The following EOGT variants were observed in gnomAD, a reference collection of about 807,000 sequenced individuals.
EOGT encodes EGF domain specific O-linked N-acetylglucosamine transferase.
Under a neutral mutation model 70.5 loss-of-function variants are expected in EOGT, and 55 were observed. The observed-to-expected ratio is 0.78, with a 90% confidence interval of 0.63 to 0.98. EOGT has a LOEUF of 0.98. Among genes scored for constraint, EOGT ranks in the 50% least tolerant of loss-of-function variants. The pLI is 0.00. For synonymous variants in EOGT, 246 were observed against 217.1 expected (o/e 1.13, Z -1.17); for missense variants, 703 against 641.9 (o/e 1.10, Z -1.03).
chr3:68,999,016 G>A (rs1289716624), intron 9 of EOGT, among the ~76,000 whole-genome samples: 1 of 152,074 alleles, frequency 6.6e-6, no homozygotes, highest in Non-Finnish European at 1.5e-5. Flanking sequence ...TATAAAAGAA[G>A]TGAATGTCTT....
chr3:68,986,991 G>C lies in EOGT; in HGVS notation c.1152+454C>G, dbSNP rs922506137. 5.3e-5 allele frequency among the ~76,000 whole-genome samples: 8 copies of C among 152,222 alleles called. No homozygotes were observed. In the South Asian group the frequency reaches 6.2e-4, roughly 12 times the overall value. ...GGTTAAATGTAATTTATGAGTTGGT[G>C]CTACTGAAATGAGTAAGGATGCTGA... is the stretch of plus-strand genomic sequence containing the variant. On this transcript the variant is annotated intron_variant, in intron 14 of 17. Transcript: ENST00000383701.
chr3:69,004,443 C>T lies in EOGT; in HGVS notation c.555G>A (p.Gly185=), dbSNP rs1162778011. The change falls in exon 8 of 18, where the codon GGG becomes GGA. Residue 185 remains glycine (G), a synonymous_variant. Transcript: ENST00000383701. ...ATGTACGGATGTCAAGTTTACAGTG[C>T]CCTCCAATTTCACCACTCTGGAAAA... ...EDFFQSGEIG[G]HCKLDIRTLT... is the part of the protein sequence containing the mutation. 1 of 1,613,948 alleles carries T rather than the reference C, an allele frequency of 6.2e-7. No individual in the cohort carries two copies. Among genetic ancestry groups the T allele is most frequent in the South Asian group, 1.1e-5 (1 of 91,072 alleles).
chr3:69,009,933 C>CAAAAAAAAAAAA, intron 3 of EOGT, 73 bp from the exon 4 acceptor site: 24 of 255,140 alleles, frequency 9.4e-5, no homozygotes, highest in East Asian at 3.2e-4. Flanking sequence ...ACAACAACAA[C>CAAAAAAAAAAAA]AAAAAAAAAA....
intron 10 of EOGT, among the ~76,000 whole-genome samples, chr3:68,997,688 G>A (rs1188263424): frequency 3.3e-5 from 5 of 152,230 alleles, no homozygotes; most frequent in African/African-American, 9.6e-5. Context: ...TCTTTCATAT[G>A]TGTGTCCCAG....
chr3:69,007,506 G>GC lies in EOGT; in HGVS notation c.420+206dup, dbSNP rs1216630244. Among the ~76,000 whole-genome samples, 6 of 92,868 alleles carry GC rather than the reference G, an allele frequency of 6.5e-5. 1 individual carries two copies. The highest frequency in any genetic ancestry group is 2.2e-4 in the African/African-American group (6 of 27,392). The allele number at this position is 92,868 out of a possible 152,430, so 60.9% of individuals were successfully genotyped here. A position where few individuals can be genotyped will look rare whatever the true frequency, so the allele number is the denominator to read the frequency against. Reference sequence around the variant, plus strand: ...ACCTTTACTAAAAATATAAAAATTAGCGGGGGGGGGTGGCACGCGCCTGTA... The same window carrying GC: ...ACCTTTACTAAAAATATAAAAATTAGCCGGGGGGGGGTGGCACGCGCCTGTA... On this transcript the variant is annotated intron_variant, in intron 6 of 17. Transcript: ENST00000383701.
At chr3:69,004,796 G>A (rs1335141959) in intron 7 of EOGT, among the ~76,000 whole-genome samples, 1 of 152,066 alleles carries the variant, frequency 6.6e-6, no homozygotes, top group East Asian at 1.9e-4. Flanking sequence ...AGGCTTGGTG[G>A]CTCACACCTA....
rs894576435 is a variant in EOGT at position 69,008,368 on chromosome 3, T to TCAAC, written c.311+56_311+59dup. On this transcript the variant is annotated intron_variant, in intron 5 of 17. Transcript: ENST00000383701. ...AAGAATCTAGCTGGAAATTAGGGCATCAACATACACTGTATAGAAAGAGGA... is the reference window on the plus strand; with the variant it reads ...AAGAATCTAGCTGGAAATTAGGGCATCAACCAACATACACTGTATAGAAAGAGGA... The TCAAC allele has an allele frequency of 2.6e-6, 3 of 1,173,680 alleles. No homozygotes were observed. The African/African-American group carries it at 4.6e-5, about 18-fold the overall frequency. 72.7% of individuals were successfully genotyped at this position (1,173,680 alleles called of 1,614,324 possible).
chr3:68,979,804 T>C lies in EOGT; in HGVS notation c.1215-17A>G. 5 of 1,611,386 alleles carry C rather than the reference T, an allele frequency of 3.1e-6. No homozygotes were observed. The highest frequency in any genetic ancestry group is 4.2e-6 in the Non-Finnish European group (5 of 1,177,976). ...CCAAGTTCTCTGTGAACATACAGAA[T>C]AACATGAGAGAGATGGGGAGAAGAG... On this transcript the variant is annotated splice_polypyrimidine_tract_variant and intron_variant, in intron 15 of 17. Coordinates refer to ENST00000383701, the MANE Select transcript of EOGT (RefSeq NM_001278689.2).
At chr3:68,981,810 A>G (rs1575709682) in intron 15 of EOGT, among the ~76,000 whole-genome samples, 1 of 152,290 alleles carries the variant, frequency 6.6e-6, no homozygotes, top group Non-Finnish European at 1.5e-5. Context: ...AATTAGGTTT[A>G]TAACATCTAA....
intron 10 of EOGT, among the ~76,000 whole-genome samples, chr3:68,997,443 A>C (rs1179560841): frequency 1.3e-5 from 2 of 150,972 alleles, no homozygotes; most frequent in Non-Finnish European, 2.9e-5. Context: ...ATCTCGGCTC[A>C]ATGCAACCTC....
chr3:69,007,647 G>T, intron 6 of EOGT, 66 bp downstream of exon 6: 1 of 1,104,994 alleles, frequency 9.0e-7, no homozygotes, highest in Non-Finnish European at 1.3e-6. Context: ...CAGAAACTCC[G>T]TCTCAAAAAT....
At chr3:68,982,100 G>A (rs1434800705) in intron 15 of EOGT, among the ~76,000 whole-genome samples, 1 of 151,940 alleles carries the variant, frequency 6.6e-6, no homozygotes, top group East Asian at 1.9e-4. Context: ...GTAGAGATGG[G>A]GTTGCACCAT....
Position 68,975,883 on chromosome 3 carries a change from A to G in EOGT, c.*1735T>C, listed in dbSNP as rs2090460299. On this transcript the variant is annotated 3_prime_UTR_variant, in exon 18 of 18. Transcript: ENST00000383701. ...TTTTGTTTTGTGTGTCATTTTTCTG[A>G]TGGATATTTTTTACAACTGTAAAAT... 6.6e-6 allele frequency: 1 copy of G among 152,174 alleles called. No homozygotes were observed. Among genetic ancestry groups the G allele is most frequent in the Non-Finnish European group, 1.5e-5 (1 of 68,030 alleles). 9.4% of individuals were successfully genotyped at this position (152,174 alleles called of 1,614,324 possible).
chr3:69,012,952 C>A (rs547570543), intron 1 of EOGT, among the ~76,000 whole-genome samples, 153 bp from the exon 2 acceptor site: 1 of 152,088 alleles, frequency 6.6e-6, no homozygotes, highest in African/African-American at 2.4e-5. Flanking sequence ...AAGTTCAACA[C>A]GTGAGACCCC....
Position 69,009,688 on chromosome 3 carries a change from G to A in EOGT, c.159C>T (p.Asn53=), listed in dbSNP as rs749610630. Residue 53 remains asparagine, a synonymous_variant, in exon 4 of 18, where the codon AAC becomes AAT. Coordinates refer to ENST00000383701, the MANE Select transcript of EOGT (RefSeq NM_001278689.2). ...PEEHIPFFLH[N]NRHIATVCRK... ...TACAGACAGTGGCAATATGCCTATTGTTGTGCAAAAAGAAGGGAATGTGCT... is the reference window on the plus strand; with the variant it reads ...TACAGACAGTGGCAATATGCCTATTATTGTGCAAAAAGAAGGGAATGTGCT... The A allele has an allele frequency of 6.2e-7, 1 of 1,614,020 alleles. No individual in the cohort carries two copies.
intron 7 of EOGT, 57 bp from the exon 8 acceptor site, chr3:69,004,539 C>G: frequency 1.7e-6 from 2 of 1,207,068 alleles, no homozygotes; most frequent in Non-Finnish European, 2.4e-6. Context: ...GACCCAAGCA[C>G]GTGGGTTGTA....
At position 68,989,029 on chromosome 3, in the gene EOGT, A is replaced by T. The variant is rs1003235548; in HGVS notation, c.832-12T>A. ...TATCCGTAAGAACTCTGAAAGTAGA[A>T]ACAAAACAAGGTTTTAGGGCAATAA... On this transcript the variant is annotated splice_polypyrimidine_tract_variant and intron_variant, in intron 10 of 17. Coordinates refer to ENST00000383701, the MANE Select transcript of EOGT (RefSeq NM_001278689.2). The T allele has an allele frequency of 4.7e-6, 7 of 1,474,116 alleles. No individual in the cohort carries two copies. In the African/African-American group the frequency reaches 9.9e-5, roughly 21 times the overall value. The allele number at this position is 1,474,116 out of a possible 1,614,324, so 91.3% of individuals were successfully genotyped here.
In EOGT at chr3:68,988,533, C is replaced by T. The variant is rs928125038; in HGVS notation, c.969G>A (p.Arg323=). ...EAVFSLLPRM[R]YGLFYNTPLI... is the part of the protein sequence containing the mutation. Reference sequence around the variant, plus strand: ...GAGGAGTATTATAGAACAGCCCATACCTCATGCGGGGGAGTAATGAAAAAA... The same window carrying T: ...GAGGAGTATTATAGAACAGCCCATATCTCATGCGGGGGAGTAATGAAAAAA... Residue 323 remains arginine (R), a synonymous_variant, in exon 12 of 18, where the codon AGG becomes AGA. Coordinates refer to ENST00000383701, the MANE Select transcript of EOGT (RefSeq NM_001278689.2). 1 of 1,533,666 alleles carries T rather than the reference C, an allele frequency of 6.5e-7. No individual in the cohort carries two copies. Among genetic ancestry groups the T allele is most frequent in the Non-Finnish European group, 8.7e-7 (1 of 1,145,546 alleles).
chr3:69,009,726 G>A lies in EOGT; in HGVS notation c.121C>T (p.Arg41Cys), dbSNP rs146049288. ...AAGGGAATGTGCTCCTCTGGCAAGC[G>A]GATGCTGGCATAGTTATACAGAGGT... The part of the protein sequence containing the change: ...GEPLYNYASI[R>C]LPEEHIPFFL... Residue 41 changes from arginine (R) to cysteine (C), a missense_variant, in exon 4 of 18, where the codon CGC (arginine) becomes TGC (cysteine). Coordinates refer to ENST00000383701, the MANE Select transcript of EOGT (RefSeq NM_001278689.2). 11 of 1,613,996 alleles carry A rather than the reference G, an allele frequency of 6.8e-6. No homozygotes were observed. The highest frequency in any genetic ancestry group is 4.0e-5 in the African/African-American group (3 of 74,990).
Sources: allele counts gnomAD v4.1 joint callset (sites outside exome capture counted in the v4.1 genomes callset), GRCh38; gene constraint gnomAD v4.1.1; transcripts MANE v1.5; gene names NCBI Gene and HGNC (gene_info 2026-07-23, HGNC 2026-07-21).